MAGI1: variants seen among roughly 807,000 people sequenced by gnomAD.
The protein encoded by MAGI1 is membrane-associated guanylate kinase, WW and PDZ domain-containing protein 1.
A neutral mutation model predicts 139.9 loss-of-function variants in MAGI1; 58 were observed. That is an observed-to-expected ratio of 0.41 (90% CI 0.34 to 0.52). The LOEUF (loss-of-function observed/expected upper bound fraction) is 0.52. MAGI1 is among the 20% of genes least tolerant of loss of function. The pLI is 0.12. For missense variants in MAGI1, 1,874 were observed against 1,901.6 expected (o/e 0.99, Z 0.27); for synonymous variants, 812 against 737.9 (o/e 1.10, Z -1.63).
intron 1 of MAGI1, among the ~76,000 whole-genome samples, chr3:65,992,500 C>CT (rs1353354389): frequency 2.6e-5 from 4 of 152,202 alleles, no homozygotes. Flanking sequence ...AAAGCAGTAC[C>CT]TTTCCCTTGA....
intron 1 of MAGI1, among the ~76,000 whole-genome samples, chr3:65,973,589 C>G (rs114409366): frequency 6.6e-6 from 1 of 152,204 alleles, no homozygotes; most frequent in African/African-American, 2.4e-5. Flanking sequence ...ATATGCACAA[C>G]AGAGCAGCTA....
chr3:65,904,320 C>T (rs1479459281), intron 1 of MAGI1, among the ~76,000 whole-genome samples: 1 of 152,190 alleles, frequency 6.6e-6, no homozygotes, highest in African/African-American at 2.4e-5. Context: ...GATAAGGTCA[C>T]ACAATCTCAG....
intron 1 of MAGI1, among the ~76,000 whole-genome samples, chr3:65,846,443 C>T (rs942983272): frequency 2.0e-5 from 3 of 152,206 alleles, no homozygotes; most frequent in Non-Finnish European, 2.9e-5. Context: ...TACTTAGCTA[C>T]TCTAACCACA....
chr3:65,564,591 A>T (rs1012311758), intron 2 of MAGI1, among the ~76,000 whole-genome samples: 1 of 152,182 alleles, frequency 6.6e-6, no homozygotes, highest in African/African-American at 2.4e-5. Flanking sequence ...TAAATAAATA[A>T]ATAAGTAAAA....
At chr3:65,778,348 T>C (rs181544904) in intron 1 of MAGI1, among the ~76,000 whole-genome samples, 55 of 150,716 alleles carry the variant, frequency 3.6e-4, no homozygotes, top group African/African-American at 1.3e-3. Flanking sequence ...GAGAATCGCT[T>C]GAACCCAGGA....
At chr3:65,521,239 A>G (rs1326045153) in intron 2 of MAGI1, among the ~76,000 whole-genome samples, 2 of 151,418 alleles carry the variant, frequency 1.3e-5, no homozygotes, top group Admixed American at 6.6e-5. Flanking sequence ...CTGAATAGAG[A>G]ACTGATTTTT....
chr3:65,523,328 A>G (rs1335854122), intron 2 of MAGI1, among the ~76,000 whole-genome samples: 1 of 152,066 alleles, frequency 6.6e-6, no homozygotes, highest in African/African-American at 2.4e-5. Context: ...TGAAAGTTCA[A>G]CAGAGGGTTA....
At chr3:66,010,481 T>C (rs1390829210) in intron 1 of MAGI1, among the ~76,000 whole-genome samples, 1 of 152,178 alleles carries the variant, frequency 6.6e-6, no homozygotes, top group Admixed American at 6.5e-5. Context: ...AAAGGCTGAA[T>C]GAAAGAAACT....
chr3:66,037,117 G>A (rs2068968628), intron 1 of MAGI1, among the ~76,000 whole-genome samples: 1 of 152,140 alleles, frequency 6.6e-6, no homozygotes, highest in Admixed American at 6.5e-5. Context: ...TGGCAACTGT[G>A]TGACCTTGAG....
At chr3:66,032,738 A>G (rs1483814092) in intron 1 of MAGI1, among the ~76,000 whole-genome samples, 1 of 151,332 alleles carries the variant, frequency 6.6e-6, no homozygotes, top group African/African-American at 2.4e-5. Flanking sequence ...CAACATGGCG[A>G]AACCCCACCT....
chr3:65,846,983 A>AAAAACAAAC (rs1553716720), intron 1 of MAGI1, among the ~76,000 whole-genome samples: 4 of 147,380 alleles, frequency 2.7e-5, no homozygotes, highest in African/African-American at 4.9e-5. Context: ...TTACAAAAAA[A>AAAAACAAAC]AAAAAAAAAA....
Position 66,037,927 on chromosome 3 carries a change from G to C in MAGI1, c.313+69C>G, listed in dbSNP as rs1042523302. On this transcript the variant is annotated intron_variant, in intron 1 of 22. Transcript: ENST00000402939. Reference sequence around the variant, plus strand: ...TCCGAGGAGGGAAGCAGGAAATCGAGAATAAGGGGCAGCCCACAGACCACC... The same window carrying C: ...TCCGAGGAGGGAAGCAGGAAATCGACAATAAGGGGCAGCCCACAGACCACC... The C allele has an allele frequency of 6.6e-6, 10 of 1,510,790 alleles. No homozygotes were observed. The African/African-American group carries it at 1.1e-4, about 17-fold the overall frequency. 93.6% of individuals were successfully genotyped at this position (1,510,790 alleles called of 1,614,324 possible). A position where few individuals can be genotyped will look rare whatever the true frequency, so the allele number is the denominator to read the frequency against.
At chr3:66,001,242 G>A (rs2066722943) in intron 1 of MAGI1, among the ~76,000 whole-genome samples, 1 of 151,872 alleles carries the variant, frequency 6.6e-6, no homozygotes, top group Non-Finnish European at 1.5e-5. Flanking sequence ...AGGTGAAGGG[G>A]GATGAAGACC....
At chr3:65,426,407 T>C (rs959341230) in intron 12 of MAGI1, among the ~76,000 whole-genome samples, 6 of 152,182 alleles carry the variant, frequency 3.9e-5, no homozygotes, top group Non-Finnish European at 8.8e-5. Flanking sequence ...GGAATTAAAA[T>C]GGGTGCTACA....
At chr3:65,760,284 A>G (rs1482939035) in intron 1 of MAGI1, among the ~76,000 whole-genome samples, 2 of 151,874 alleles carry the variant, frequency 1.3e-5, no homozygotes, top group African/African-American at 2.4e-5. Context: ...CTGCTCTAAG[A>G]GGCAGTTACT....
intron 1 of MAGI1, among the ~76,000 whole-genome samples, chr3:65,650,268 C>A (rs568520971): frequency 6.6e-6 from 1 of 152,264 alleles, no homozygotes; most frequent in East Asian, 1.9e-4. Context: ...TTATAAATTG[C>A]CTAGTCTGTG....
chr3:65,887,550 C>A (rs1386813669), intron 1 of MAGI1, among the ~76,000 whole-genome samples: 2 of 152,050 alleles, frequency 1.3e-5, no homozygotes, highest in African/African-American at 4.8e-5. Context: ...GTATCTATTT[C>A]TTTAACTTCC....
intron 14 of MAGI1, chr3:65,387,055 T>G: frequency 8.3e-7 from 1 of 1,211,420 alleles, no homozygotes; most frequent in Non-Finnish European, 1.2e-6. Context: ...CTCTCTTTTC[T>G]GAACTTCTCC....
intron 1 of MAGI1, among the ~76,000 whole-genome samples, chr3:65,808,158 TA>T (rs1288106694): frequency 6.6e-6 from 1 of 152,062 alleles, no homozygotes; most frequent in Admixed American, 6.5e-5. Context: ...GCTAATTTTG[TA>T]TTTTTAGTAG....
Sources: allele counts gnomAD v4.1 joint callset (sites outside exome capture counted in the v4.1 genomes callset), GRCh38; gene constraint gnomAD v4.1.1; transcripts MANE v1.5; gene names NCBI Gene and HGNC (gene_info 2026-07-23, HGNC 2026-07-21).